Variants in EBF2 observed in about 807,000 individuals in gnomAD.
The protein encoded by EBF2 is EBF transcription factor 2.
EBF2 carries 21 observed loss-of-function variants against 72.8 expected under a neutral mutation model. That is an observed-to-expected ratio of 0.29 (90% CI 0.20 to 0.42). EBF2 has a LOEUF of 0.42. EBF2 is among the 10% of genes least tolerant of loss of function. The probability of loss-of-function intolerance (pLI) is 1.00; values close to 1 mark genes in which losing one functional copy is unlikely to be tolerated. For missense variants in EBF2, 637 were observed against 731.2 expected (o/e 0.87, Z 1.49); for synonymous variants, 299 against 274.2 (o/e 1.09, Z -0.89).
chr8:25,980,124 G>A (rs1445205943), intron 6 of EBF2, among the ~76,000 whole-genome samples: 1 of 152,172 alleles, frequency 6.6e-6, no homozygotes, highest in Non-Finnish European at 1.5e-5. Flanking sequence ...TCCCTTGGGT[G>A]CTACCCCCTC....
intron 6 of EBF2, among the ~76,000 whole-genome samples, chr8:25,961,148 C>G (rs1392041371): frequency 6.6e-6 from 1 of 151,926 alleles, no homozygotes; most frequent in African/African-American, 2.4e-5. Context: ...AAGTAAAAAC[C>G]AAAAAGACAG....
chr8:25,974,960 G>T (rs577390113), intron 6 of EBF2, among the ~76,000 whole-genome samples: 59 of 152,238 alleles, frequency 3.9e-4, no homozygotes, highest in Admixed American at 3.0e-3. Flanking sequence ...TTGTTACTAA[G>T]CTGACATCAA....
chr8:25,990,543 T>C (rs546542725), intron 6 of EBF2, among the ~76,000 whole-genome samples: 13 of 152,272 alleles, frequency 8.5e-5, no homozygotes, highest in African/African-American at 2.9e-4. Context: ...CAAAATCTAC[T>C]AGCTCCAGCA....
At chr8:25,950,851 G>A (rs907809340) in intron 6 of EBF2, among the ~76,000 whole-genome samples, 1 of 151,808 alleles carries the variant, frequency 6.6e-6, no homozygotes, top group African/African-American at 2.4e-5. Flanking sequence ...ATCCTCTACA[G>A]TTTTAACACA....
In EBF2 at chr8:25,935,688, C is replaced by G. The variant is rs531397539; in HGVS notation, c.552-27133G>C. Reference sequence around the variant, plus strand: ...ATGCACCAGTGTTCCTGACCTTCCCCGCATCTCTGCTGAATGCACCCAGCA... The same window carrying G: ...ATGCACCAGTGTTCCTGACCTTCCCGGCATCTCTGCTGAATGCACCCAGCA... On this transcript the variant is annotated intron_variant, in intron 6 of 15. Coordinates refer to ENST00000520164, the MANE Select transcript of EBF2 (RefSeq NM_022659.4). 4.6e-5 allele frequency among the ~76,000 whole-genome samples: 7 copies of G among 152,314 alleles called. No individual in the cohort carries two copies. The South Asian group carries it at 1.2e-3, about 27-fold the overall frequency.
intron 10 of EBF2, among the ~76,000 whole-genome samples, chr8:25,869,726 A>T (rs186397825): frequency 5.7e-4 from 87 of 152,266 alleles, no homozygotes; most frequent in Admixed American, 5.1e-3. Flanking sequence ...TTTTTCTTAA[A>T]TAATGTGATT....
intron 14 of EBF2, among the ~76,000 whole-genome samples, chr8:25,855,302 A>G (rs1327911580): frequency 6.6e-6 from 1 of 152,024 alleles, no homozygotes; most frequent in African/African-American, 2.4e-5. Context: ...ATAATCCCCT[A>G]TTGTCAGGGG....
chr8:25,885,209 C>CAT (rs1802669922), intron 10 of EBF2, among the ~76,000 whole-genome samples: 1 of 149,134 alleles, frequency 6.7e-6, no homozygotes, highest in African/African-American at 2.5e-5. Flanking sequence ...TACCAGGCTC[C>CAT]TTTTTTTTTT....
At chr8:25,920,792 A>C (rs1367890634) in intron 6 of EBF2, among the ~76,000 whole-genome samples, 1 of 151,638 alleles carries the variant, frequency 6.6e-6, no homozygotes, top group Non-Finnish European at 1.5e-5. Context: ...CATTCACCTC[A>C]CTTCTAGTTT....
In EBF2 at chr8:25,937,432, G is replaced by C. The variant is rs962943225; in HGVS notation, c.552-28877C>G. ...CTATTCTCTCTGCATTATATATTCAGATTAATTTAATGAATGACTCATTTC... is the reference window on the plus strand; with the variant it reads ...CTATTCTCTCTGCATTATATATTCACATTAATTTAATGAATGACTCATTTC... On this transcript the variant is annotated intron_variant, in intron 6 of 15. Coordinates refer to ENST00000520164, the MANE Select transcript of EBF2 (RefSeq NM_022659.4). Among the ~76,000 whole-genome samples the C allele has an allele frequency of 4.6e-5, 7 of 152,160 alleles. No individual in the cohort carries two copies. In the South Asian group the frequency reaches 8.3e-4, roughly 18 times the overall value.
intron 6 of EBF2, among the ~76,000 whole-genome samples, chr8:25,939,652 T>C (rs1803636840): frequency 6.6e-6 from 1 of 152,236 alleles, no homozygotes; most frequent in African/African-American, 2.4e-5. Context: ...CTCAAACCCC[T>C]ACAGCTCCAA....
chr8:26,043,425 C>T (rs1805642720), intron 1 of EBF2, among the ~76,000 whole-genome samples: 1 of 152,254 alleles, frequency 6.6e-6, no homozygotes, highest in African/African-American at 2.4e-5. Flanking sequence ...AGGGAGGCGT[C>T]TTTAAGGAGC....
chr8:25,974,505 C>T (rs1804237031), intron 6 of EBF2, among the ~76,000 whole-genome samples: 1 of 152,190 alleles, frequency 6.6e-6, no homozygotes, highest in Non-Finnish European at 1.5e-5. Flanking sequence ...ATTTAGCTAT[C>T]AATTAGTGCC....
chr8:26,037,705 G>A (rs114076861), intron 5 of EBF2, among the ~76,000 whole-genome samples: 1 of 152,172 alleles, frequency 6.6e-6, no homozygotes, highest in African/African-American at 2.4e-5. Context: ...TCTGAGCATT[G>A]AGGGCTCAGG....
chr8:26,034,271 G>A (rs546948563), intron 5 of EBF2, among the ~76,000 whole-genome samples: 4 of 152,308 alleles, frequency 2.6e-5, no homozygotes, highest in African/African-American at 9.6e-5. Flanking sequence ...GAAGCAAGGA[G>A]CTGTTGGATG....
At chr8:25,989,273 T>C (rs2117207702) in intron 6 of EBF2, among the ~76,000 whole-genome samples, 1 of 152,204 alleles carries the variant, frequency 6.6e-6, no homozygotes, top group East Asian at 1.9e-4. Context: ...CTGCTGGGTG[T>C]TGACAGATAA....
chr8:25,997,857 A>G (rs548808063), intron 6 of EBF2, among the ~76,000 whole-genome samples: 1 of 152,210 alleles, frequency 6.6e-6, no homozygotes, highest in Non-Finnish European at 1.5e-5. Flanking sequence ...TTTCCTCTGC[A>G]TGAAACTGGG....
In EBF2 at chr8:25,858,347, A is replaced by T. The variant is rs1802138468; in HGVS notation, c.1500T>A (p.Asn500Lys). Residue 500 changes from asparagine (N) to lysine (K), a missense_variant, in exon 14 of 16, where the codon AAT becomes AAA. Asn to Lys is a moderately conservative substitution (Grantham distance 94, BLOSUM62 0). Around this residue, in one of 3 missense-constraint regions of EBF2, gnomAD observed 259 missense variants for 268.1 expected, o/e 0.97. Coordinates refer to ENST00000520164, the MANE Select transcript of EBF2 (RefSeq NM_022659.4). The stretch of plus-strand genomic sequence containing the variant: ...CATAAGGAGAGCCGGTGGGTGAGCC[A>T]TTTAGAAATCCTGGTGAACCTGGAA... ...LGVPGSPGFL[N>K]GSPTGSPYGI... is the part of the protein sequence containing the mutation. 1 of 1,614,090 alleles carries T rather than the reference A, an allele frequency of 6.2e-7. No individual in the cohort carries two copies. The highest frequency in any genetic ancestry group is 1.7e-5 in the Admixed American group (1 of 60,008).
At chr8:25,865,601 T>G (rs796181099) in intron 10 of EBF2, among the ~76,000 whole-genome samples, 11 of 151,994 alleles carry the variant, frequency 7.2e-5, no homozygotes, top group African/African-American at 2.7e-4. Flanking sequence ...ATCTTTTTCT[T>G]TTTTCTTTTG....
Sources: gnomAD v4.1 joint callset for allele counts (sites outside exome capture counted in the v4.1 genomes callset) on GRCh38, gnomAD v4.1.1 for gene constraint, gnomAD v4.1.1 regional missense constraint, MANE v1.5 for transcripts, NCBI Gene and HGNC (gene_info 2026-07-23, HGNC 2026-07-21) for gene names.